LOXL1: variants seen among roughly 807,000 people sequenced by gnomAD.
LOXL1 encodes lysyl oxidase homolog 1.
A neutral mutation model predicts 62.2 loss-of-function variants in LOXL1; 31 were observed. The ratio of observed to expected loss-of-function variants is 0.50; its 90% CI spans 0.37 to 0.67. The LOEUF (loss-of-function observed/expected upper bound fraction) is 0.67, where lower values mean the gene tolerates loss of function less well. Ranked by LOEUF, LOXL1 falls within the 30% of genes least tolerant of loss-of-function variation. The pLI is 0.00. For missense variants in LOXL1, 775 were observed against 843.4 expected, an observed-to-expected ratio of 0.92 and a Z score of 1.00; for synonymous variants, 403 against 384.4, an observed-to-expected ratio of 1.05 and a Z score of -0.56.
chr15:73,949,744 G>A (rs1451642362), intron 6 of LOXL1, among the ~76,000 whole-genome samples, 170 bp downstream of exon 6: 4 of 152,158 alleles, frequency 2.6e-5, no homozygotes, highest in Non-Finnish European at 5.9e-5. Context: ...CCCAAGCTGA[G>A]TGTTTACGGT....
At chr15:73,932,487 C>G (rs960284195) in intron 1 of LOXL1, among the ~76,000 whole-genome samples, 1 of 152,192 alleles carries the variant, frequency 6.6e-6, no homozygotes, top group African/African-American at 2.4e-5. Context: ...TATTTGAGTG[C>G]TAGATTCTGG....
At chr15:73,934,517 A>G (rs1304127885) in intron 1 of LOXL1, among the ~76,000 whole-genome samples, 1 of 152,198 alleles carries the variant, frequency 6.6e-6, no homozygotes, top group Admixed American at 6.5e-5. Flanking sequence ...CAGGCAAAAG[A>G]TAATACCACT....
intron 1 of LOXL1, chr15:73,928,251 T>A (rs2068606923): frequency 4.5e-6 from 1 of 222,098 alleles, no homozygotes; most frequent in African/African-American, 2.3e-5. Flanking sequence ...CTCATTTCAA[T>A]GAGGGCATCT....
Position 73,947,234 on chromosome 15 carries a change from A to G in LOXL1, c.1506+11A>G, listed in dbSNP as rs908411264. 2 of 1,589,474 alleles carry G rather than the reference A, an allele frequency of 1.3e-6. No homozygotes were observed. The highest frequency in any genetic ancestry group is 1.7e-6 in the Non-Finnish European group (2 of 1,161,324). On this transcript the variant is annotated intron_variant, in intron 4 of 6. Coordinates refer to ENST00000261921, the MANE Select transcript of LOXL1 (RefSeq NM_005576.4). ...ACCTCTCATACCCAGGTTGGGCTGGAGAGATGGGGTTTGGGGCATGGGAGG... is the reference window on the plus strand; with the variant it reads ...ACCTCTCATACCCAGGTTGGGCTGGGGAGATGGGGTTTGGGGCATGGGAGG...
At chr15:73,928,456 C>G (rs1188480155) in intron 1 of LOXL1, among the ~76,000 whole-genome samples, 1 of 152,110 alleles carries the variant, frequency 6.6e-6, no homozygotes, top group African/African-American at 2.4e-5. Flanking sequence ...GGCAGGAGTC[C>G]GGACTTCCTC....
At chr15:73,936,520 C>A (rs2068674078) in intron 1 of LOXL1, among the ~76,000 whole-genome samples, 1 of 152,226 alleles carries the variant, frequency 6.6e-6, no homozygotes, top group Non-Finnish European at 1.5e-5. Flanking sequence ...ATTTCACAAG[C>A]AACTGACCAG....
chr15:73,951,723 C>T (rs2068788483), intron 6 of LOXL1, 108 bp from the exon 7 acceptor site: 5 of 1,001,464 alleles, frequency 5.0e-6, no homozygotes, highest in Middle Eastern at 4.5e-4. Flanking sequence ...TAGGCCCATG[C>T]CTGCCCTGCC....
In LOXL1 at chr15:73,927,315, C is replaced by A. The variant is rs1204988324; in HGVS notation, c.532C>A (p.Pro178Thr). 8 of 1,603,704 alleles carry A rather than the reference C, an allele frequency of 5.0e-6. No homozygotes were observed. Among genetic ancestry groups the A allele is most frequent in the Non-Finnish European group, 6.8e-6 (8 of 1,176,820 alleles). ...GCAGCCCTCCTACCCGCAGCAGTTC[C>A]CCTACCCGCAGGCGCCCTTCGTCAG... ...RQQPSYPQQFPYPQAPFVSQY... is the reference protein window; with the variant it reads ...RQQPSYPQQFTYPQAPFVSQY... Residue 178 changes from proline to threonine, a missense_variant, in exon 1 of 7, where the codon CCC (proline) becomes ACC (threonine). Transcript: ENST00000261921.
intron 2 of LOXL1, among the ~76,000 whole-genome samples, chr15:73,943,791 C>T (rs928959890): frequency 2.0e-5 from 3 of 152,132 alleles, no homozygotes; most frequent in Non-Finnish European, 2.9e-5. Flanking sequence ...GCTTTTTGGA[C>T]ATTTGAACTC....
At chr15:73,940,644 G>T (rs1392179987) in intron 1 of LOXL1, among the ~76,000 whole-genome samples, 4 of 152,136 alleles carry the variant, frequency 2.6e-5, no homozygotes, top group African/African-American at 9.7e-5. Context: ...TCAGGGTCAA[G>T]GCTCAGGGTG....
chr15:73,934,696 A>C (rs2028387), intron 1 of LOXL1, among the ~76,000 whole-genome samples: 43,699 of 152,176 alleles, frequency 0.29, 6,914 homozygotes, highest in East Asian at 0.56. Flanking sequence ...TCGTGAAAAG[A>C]AAGAGACAAA....
Position 73,926,678 on chromosome 15 carries a change from G to T in LOXL1, c.-106G>T. ...CAGCATGGACAAAGCTAGAGCTGGG[G>T]CAAGCAAGGAGCCTTCCTGTCCTCG... On this transcript the variant is annotated 5_prime_UTR_variant, in exon 1 of 7. Transcript: ENST00000261921. The T allele has an allele frequency of 1.6e-6, 2 of 1,259,066 alleles. No individual in the cohort carries two copies. Among genetic ancestry groups the T allele is most frequent in the Non-Finnish European group, 2.1e-6 (2 of 970,392 alleles). The allele number at this position is 1,259,066 out of a possible 1,614,324, so 78.0% of individuals were successfully genotyped here.
chr15:73,948,038 C>A, intron 5 of LOXL1, 136 bp downstream of exon 5: 1 of 605,026 alleles, frequency 1.7e-6, no homozygotes, highest in Non-Finnish European at 2.9e-6. Flanking sequence ...TCTGAGGCAT[C>A]ACTTGAGGTT....
At chr15:73,931,538 C>T (rs909498858) in intron 1 of LOXL1, among the ~76,000 whole-genome samples, 1 of 152,154 alleles carries the variant, frequency 6.6e-6, no homozygotes, top group African/African-American at 2.4e-5. Flanking sequence ...CCTCCACAGC[C>T]CCCATGGGAC....
intron 1 of LOXL1, 169 bp downstream of exon 1, chr15:73,928,054 T>A: frequency 1.9e-6 from 1 of 514,672 alleles, no homozygotes; most frequent in Non-Finnish European, 3.0e-6. Flanking sequence ...AGCACCCCCC[T>A]GGCATCTCAC....
Position 73,949,523 on chromosome 15 carries a change from A to G in LOXL1, c.1667A>G (p.Asn556Ser). Reference sequence around the variant, plus strand: ...TTCACCAACAACGTGGTGAGATGCAACATTCACTACACAGGTCGCTACGTT... The same window carrying G: ...TTCACCAACAACGTGGTGAGATGCAGCATTCACTACACAGGTCGCTACGTT... Reference protein sequence around the residue: ...SDFTNNVVRCNIHYTGRYVSA... With the variant: ...SDFTNNVVRCSIHYTGRYVSA... The change falls in exon 6 of 7, where the codon AAC becomes AGC. Residue 556 changes from asparagine to serine, a missense_variant. By Grantham distance (46) the Asn-to-Ser change is conservative. Coordinates refer to ENST00000261921, the MANE Select transcript of LOXL1 (RefSeq NM_005576.4). 3 of 1,614,138 alleles carry G rather than the reference A, an allele frequency of 1.9e-6. No homozygotes were observed. The highest frequency in any genetic ancestry group is 2.5e-6 in the Non-Finnish European group (3 of 1,180,002).
Position 73,927,657 on chromosome 15 carries a change from G to A in LOXL1, c.874G>A (p.Asp292Asn). The A allele has an allele frequency of 2.0e-6, 3 of 1,488,180 alleles. No individual in the cohort carries two copies. The highest frequency in any genetic ancestry group is 2.7e-6 in the Non-Finnish European group (3 of 1,126,216). 92.2% of individuals were successfully genotyped at this position (1,488,180 alleles called of 1,614,324 possible). ...CCCCGGCTTCGAGCAGGCCTACCCT[G>A]ACCCCGGTCCCGAGGCGGCGCAGGC... ...GTPGFEQAYP[D>N]PGPEAAQAHG... The change falls in exon 1 of 7, where the codon GAC (aspartate) becomes AAC (asparagine). Residue 292 changes from aspartate (D) to asparagine (N), a missense_variant. Asp to Asn is a conservative substitution (Grantham distance 23). Coordinates refer to ENST00000261921, the MANE Select transcript of LOXL1 (RefSeq NM_005576.4).
Position 73,951,975 on chromosome 15 carries a change from C to T in LOXL1, c.*138C>T, listed in dbSNP as rs1464220120. 2.5e-5 allele frequency: 16 copies of T among 645,000 alleles called. No individual in the cohort carries two copies. In the East Asian group the frequency reaches 3.7e-4, roughly 15 times the overall value. The allele number at this position is 645,000 out of a possible 1,614,324, so 40.0% of individuals were successfully genotyped here. On this transcript the variant is annotated 3_prime_UTR_variant, in exon 7 of 7. Transcript: ENST00000261921. The stretch of plus-strand genomic sequence containing the variant: ...CTCCCTGCCGGCCTCAGGGAGCGAA[C>T]GTGGATGAAAACCACAGGGATTCCG...
At position 73,927,229 on chromosome 15, in the gene LOXL1, A is replaced by G. The variant is rs1374860329; in HGVS notation, c.446A>G (p.Gln149Arg). The G allele has an allele frequency of 5.0e-6, 8 of 1,596,372 alleles. No individual in the cohort carries two copies. The highest frequency in any genetic ancestry group is 1.7e-5 in the Admixed American group (1 of 59,210). Residue 149 changes from glutamine to arginine, a missense_variant, in exon 1 of 7, where the codon CAA becomes CGA. Coordinates refer to ENST00000261921, the MANE Select transcript of LOXL1 (RefSeq NM_005576.4). ...CGGGCCCGCACCTCCGTCTCCCAGCAACGGCACGGGGGCTCCGCCTCCTCG... is the reference window on the plus strand; with the variant it reads ...CGGGCCCGCACCTCCGTCTCCCAGCGACGGCACGGGGGCTCCGCCTCCTCG... ...MARARTSVSQ[Q>R]RHGGSASSVS...
Sources: gnomAD v4.1 joint callset for allele counts (sites outside exome capture counted in the v4.1 genomes callset) on GRCh38, gnomAD v4.1.1 for gene constraint, MANE v1.5 for transcripts, NCBI Gene and HGNC (gene_info 2026-07-23, HGNC 2026-07-21) for gene names.